The following MED4 variants were observed in gnomAD, a reference collection of about 807,000 sequenced individuals.
The protein encoded by MED4 is mediator of RNA polymerase II transcription subunit 4.
In MED4, 21 loss-of-function variants were observed where a neutral mutation model predicts 35.0. The observed-to-expected ratio is 0.60, with a 90% confidence interval of 0.43 to 0.86. The LOEUF is 0.86. Ranked by LOEUF, MED4 falls within the 40% of genes least tolerant of loss-of-function variation. The pLI is 0.00. For missense variants in MED4, 300 were observed against 319.4 expected (o/e 0.94, Z 0.46); for synonymous variants, 138 against 114.0 (o/e 1.21, Z -1.34).
In MED4 at chr13:48,086,426, A is replaced by G; in HGVS notation, c.219T>C (p.Asp73=). The G allele has an allele frequency of 1.2e-6, 2 of 1,612,450 alleles. No homozygotes were observed. Among genetic ancestry groups the G allele is most frequent in the Non-Finnish European group, 1.7e-6 (2 of 1,179,460 alleles). ...ATTTCATTAGTTCTTGAAATTCCCC[A>G]TCTCGGTGAATTAACAACTCCAGGA... The part of the protein sequence containing the change: ...NQVLELLIHR[D]GEFQELMKLA... The change falls in exon 3 of 7, where the codon GAT becomes GAC. Residue 73 remains aspartate (D), a synonymous_variant. Transcript: ENST00000258648.
intron 1 of MED4, among the ~76,000 whole-genome samples, chr13:48,094,630 T>C (rs1418274592): frequency 2.0e-5 from 3 of 152,146 alleles, no homozygotes; most frequent in Non-Finnish European, 4.4e-5. Flanking sequence ...TCTCGACAGC[T>C]GGCATCCAGT....
intron 2 of MED4, 65 bp downstream of exon 2, chr13:48,090,287 T>C: frequency 7.9e-7 from 1 of 1,259,758 alleles, no homozygotes; most frequent in Admixed American, 2.4e-5. Flanking sequence ...CTTGCAGAAA[T>C]CAAGTTTTTT....
intron 2 of MED4, among the ~76,000 whole-genome samples, chr13:48,088,308 G>T (rs879592943): frequency 6.6e-6 from 1 of 152,140 alleles, no homozygotes; most frequent in Non-Finnish European, 1.5e-5. Context: ...AAAAGTACAG[G>T]TATGCCTCTT....
At chr13:48,093,137 G>A (rs537620779) in intron 1 of MED4, among the ~76,000 whole-genome samples, 56 of 152,248 alleles carry the variant, frequency 3.7e-4, no homozygotes, top group Middle Eastern at 6.8e-3. Context: ...TTTCCATAGC[G>A]GTTAGAGCCT....
At chr13:48,090,464 C>G in intron 1 of MED4, 46 bp from the exon 2 acceptor site, 1 of 1,468,400 alleles carries the variant, frequency 6.8e-7, no homozygotes, top group South Asian at 1.2e-5. Context: ...TCACAGCATA[C>G]TGAACACTCA....
chr13:48,094,191 T>C (rs1950908898), intron 1 of MED4, among the ~76,000 whole-genome samples: 1 of 152,132 alleles, frequency 6.6e-6, no homozygotes, highest in African/African-American at 2.4e-5. Flanking sequence ...GGAGGCTACA[T>C]TTAAGAAGGA....
At chr13:48,085,589 G>A (rs1950843083) in intron 3 of MED4, among the ~76,000 whole-genome samples, 1 of 152,178 alleles carries the variant, frequency 6.6e-6, no homozygotes, top group African/African-American at 2.4e-5. Context: ...AGTTACTGGA[G>A]CTCATTTTAA....
In MED4 at chr13:48,076,728, T is replaced by C. The variant is rs1950761514; in HGVS notation, c.*411A>G. 1 of 153,696 alleles carries C rather than the reference T, an allele frequency of 6.5e-6. No homozygotes were observed. 9.5% of individuals were successfully genotyped at this position (153,696 alleles called of 1,614,324 possible). On this transcript the variant is annotated 3_prime_UTR_variant, in exon 7 of 7. Transcript: ENST00000258648. The stretch of plus-strand genomic sequence containing the variant: ...AAATGACACACAAAAAGAAATATGA[T>C]GCCTATTCAGTCATCCACTGCCAGT...
chr13:48,083,729 G>A (rs1950827416), intron 3 of MED4, among the ~76,000 whole-genome samples: 1 of 152,168 alleles, frequency 6.6e-6, no homozygotes, highest in East Asian at 1.9e-4. Flanking sequence ...AAGACACCCA[G>A]ACTATGGACG....
chr13:48,082,641 C>A (rs1950818071), intron 4 of MED4, among the ~76,000 whole-genome samples: 1 of 152,278 alleles, frequency 6.6e-6, no homozygotes, highest in East Asian at 1.9e-4. Context: ...TCCTGGCTAA[C>A]ACAGTGAAAC....
intron 3 of MED4, among the ~76,000 whole-genome samples, chr13:48,084,651 C>T (rs1010004886): frequency 2.6e-5 from 4 of 152,146 alleles, no homozygotes; most frequent in African/African-American, 9.6e-5. Context: ...CTGCTAACTA[C>T]AATTACCTAA....
At position 48,081,630 on chromosome 13, in the gene MED4, G is replaced by T; in HGVS notation, c.508+15C>A. 6.3e-7 allele frequency: 1 copy of T among 1,585,684 alleles called. No individual in the cohort carries two copies. On this transcript the variant is annotated intron_variant, in intron 5 of 6. Transcript: ENST00000258648. ...AAACCACATATATCTAGTATAATAA[G>T]ACGAGTATGTTTACCTGGAACCCAG...
chr13:48,078,836 T>C (rs1299563888), intron 6 of MED4, among the ~76,000 whole-genome samples: 2 of 152,130 alleles, frequency 1.3e-5, no homozygotes, highest in Non-Finnish European at 2.9e-5. Flanking sequence ...CTAACAAAAA[T>C]GATGCATACA....
intron 2 of MED4, among the ~76,000 whole-genome samples, chr13:48,089,281 C>T (rs1950873808): frequency 6.6e-6 from 1 of 152,180 alleles, no homozygotes; most frequent in Non-Finnish European, 1.5e-5. Flanking sequence ...CCTTTTGAGG[C>T]TCACTGACAC....
chr13:48,086,442 A>T lies in MED4; in HGVS notation c.203T>A (p.Leu68Ter). Reference sequence around the variant, plus strand: ...AAATTCCCCATCTCGGTGAATTAACAACTCCAGGACCTGTCAGATAACAGT... The same window carrying T: ...AAATTCCCCATCTCGGTGAATTAACTACTCCAGGACCTGTCAGATAACAGT... ...QAGEENQVLE[L>*]LIHRDGEFQE... The change falls in exon 3 of 7, where the codon TTG (leucine) becomes TAG (stop). Residue 68 changes from leucine to a stop codon, truncating the protein, a stop_gained. Transcript: ENST00000258648. LOFTEE classifies it high-confidence loss of function. 1 of 1,613,456 alleles carries T rather than the reference A, an allele frequency of 6.2e-7. No homozygotes were observed. Among genetic ancestry groups the T allele is most frequent in the Non-Finnish European group, 8.5e-7 (1 of 1,179,846 alleles).
intron 4 of MED4, 41 bp from the exon 5 acceptor site, chr13:48,081,772 C>T (rs751282692): frequency 7.9e-7 from 1 of 1,265,198 alleles, no homozygotes; most frequent in Non-Finnish European, 1.1e-6. Flanking sequence ...TGTAGTCTAA[C>T]AAACATACAA....
rs1950764679 is a variant in MED4, at chr13:48,077,034, G to C, written c.*105C>G. On this transcript the variant is annotated 3_prime_UTR_variant, in exon 7 of 7. Transcript: ENST00000258648. ...ACTGCACAATTCTACCAAAGCCAGT[G>C]TTTACCTGGGTATTTTTTGTCACCT... is the stretch of plus-strand genomic sequence containing the variant. The C allele has an allele frequency of 9.8e-7, 1 of 1,017,026 alleles. No homozygotes were observed. Among genetic ancestry groups the C allele is most frequent in the African/African-American group, 1.7e-5 (1 of 59,028 alleles). The allele number at this position is 1,017,026 out of a possible 1,614,324, so 63.0% of individuals were successfully genotyped here.
At chr13:48,085,487 G>A (rs1021160103) in intron 3 of MED4, among the ~76,000 whole-genome samples, 6 of 152,086 alleles carry the variant, frequency 3.9e-5, no homozygotes, top group African/African-American at 1.2e-4. Context: ...CACCATGCCC[G>A]GCCTGATTTT....
At position 48,086,416 on chromosome 13, in the gene MED4, G is replaced by A. The variant is rs748832122; in HGVS notation, c.229C>T (p.Gln77Ter). The change falls in exon 3 of 7, where the codon CAA becomes TAA. Residue 77 changes from glutamine to a stop codon, truncating the protein, a stop_gained. Coordinates refer to ENST00000258648, the MANE Select transcript of MED4 (RefSeq NM_014166.4). LOFTEE classifies it high-confidence loss of function. ...TTAAGTGCCAATTTCATTAGTTCTT[G>A]AAATTCCCCATCTCGGTGAATTAAC... ...ELLIHRDGEF[Q>*]ELMKLALNQG... 6.2e-7 allele frequency: 1 copy of A among 1,613,154 alleles called. No homozygotes were observed. Among genetic ancestry groups the A allele is most frequent in the Non-Finnish European group, 8.5e-7 (1 of 1,179,742 alleles).
Sources: allele counts gnomAD v4.1 joint callset (sites outside exome capture counted in the v4.1 genomes callset), GRCh38; gene constraint gnomAD v4.1.1; transcripts MANE v1.5; gene names NCBI Gene and HGNC (gene_info 2026-07-23, HGNC 2026-07-21).